MCTP1: variants seen among roughly 807,000 people sequenced by gnomAD.
MCTP1 encodes multiple C2 and transmembrane domain containing 1.
MCTP1 carries 69 observed loss-of-function variants against 120.6 expected under a neutral mutation model. The ratio of observed to expected loss-of-function variants is 0.57; its 90% CI spans 0.47 to 0.70. The LOEUF (loss-of-function observed/expected upper bound fraction) is 0.70. Ranked by LOEUF, MCTP1 falls within the 30% of genes least tolerant of loss-of-function variation. The probability of loss-of-function intolerance (pLI) is 0.00; values close to 1 mark genes in which losing one functional copy is unlikely to be tolerated. For missense variants in MCTP1, 1,203 were observed against 1,248.8 expected (o/e 0.96, Z 0.55); for synonymous variants, 529 against 493.1 (o/e 1.07, Z -0.96).
intron 17 of MCTP1, among the ~76,000 whole-genome samples, chr5:94,805,747 T>A (rs1427763034): frequency 6.6e-6 from 1 of 150,704 alleles, no homozygotes; most frequent in African/African-American, 2.4e-5. Flanking sequence ...ACTATTACCT[T>A]CCTTTTACAA....
intron 2 of MCTP1, among the ~76,000 whole-genome samples, chr5:94,990,207 G>C (rs72777361): frequency 2.0e-5 from 3 of 152,238 alleles, no homozygotes; most frequent in African/African-American, 7.2e-5. Context: ...GGTAATTAGC[G>C]TTGAAATTGA....
intron 1 of MCTP1, among the ~76,000 whole-genome samples, chr5:95,053,710 G>T (rs1233456065): frequency 1.3e-5 from 2 of 152,146 alleles, no homozygotes; most frequent in African/African-American, 4.8e-5. Context: ...CAAGCAGTAG[G>T]TGAGGGGCTC....
chr5:95,054,294 T>C (rs543678899), intron 1 of MCTP1, among the ~76,000 whole-genome samples: 48 of 152,216 alleles, frequency 3.2e-4, no homozygotes, highest in Non-Finnish European at 2.4e-4. Flanking sequence ...ATCGTATCTA[T>C]AAAACTAAAT....
chr5:95,109,372 A>AT (rs1190205708), intron 1 of MCTP1, among the ~76,000 whole-genome samples: 1 of 152,192 alleles, frequency 6.6e-6, no homozygotes, highest in Non-Finnish European at 1.5e-5. Context: ...ATTTACTTAG[A>AT]TTTTCAATAT....
chr5:94,847,491 A>G (rs918414813), intron 17 of MCTP1, among the ~76,000 whole-genome samples: 4 of 152,064 alleles, frequency 2.6e-5, no homozygotes, highest in Non-Finnish European at 5.9e-5. Flanking sequence ...TCTGAGACGT[A>G]TCTATCTCAG....
At chr5:94,728,170 TTAG>T (rs80222998) in intron 19 of MCTP1, among the ~76,000 whole-genome samples, 1,703 of 152,290 alleles carry the variant, frequency 0.011, 15 homozygotes, top group Non-Finnish European at 0.017. Context: ...CGTTGGTTAC[TTAG>T]TGGTGTGGAT....
At chr5:94,763,303 A>T (rs1277614703) in intron 19 of MCTP1, among the ~76,000 whole-genome samples, 2 of 152,312 alleles carry the variant, frequency 1.3e-5, no homozygotes, top group African/African-American at 4.8e-5. Context: ...TGAAGAATAT[A>T]ATTCAGACTC....
rs115430748 is a variant in MCTP1 at position 95,051,151 on chromosome 5, T to G, written c.721-33667A>C. On this transcript the variant is annotated intron_variant, in intron 1 of 22. Coordinates refer to ENST00000515393, the MANE Select transcript of MCTP1 (RefSeq NM_024717.7). Reference sequence around the variant, plus strand: ...TGCTGTTAGGGCAGCCCTAGAAAACTGATATATACAACAAGTCAGCATTGT... The same window carrying G: ...TGCTGTTAGGGCAGCCCTAGAAAACGGATATATACAACAAGTCAGCATTGT... Among the ~76,000 whole-genome samples, 1,113 of 152,272 alleles carry G rather than the reference T, an allele frequency of 7.3e-3. 20 individuals carry two copies. Among genetic ancestry groups the G allele is most frequent in the African/African-American group, 0.026 (1,078 of 41,550 alleles).
chr5:95,225,268 AG>A lies in MCTP1; in HGVS notation c.720+58587del, dbSNP rs1280316546. On this transcript the variant is annotated intron_variant, in intron 1 of 22. Coordinates refer to ENST00000515393, the MANE Select transcript of MCTP1 (RefSeq NM_024717.7). ...TACCATTTTAAAAGAATCTTCTAAA[AG>A]CATGGCAGTTAAAAAATCATTTATT... Among the ~76,000 whole-genome samples, 8 of 152,354 alleles carry A rather than the reference AG, an allele frequency of 5.3e-5. No homozygotes were observed. In the East Asian group the frequency reaches 1.2e-3, roughly 22 times the overall value.
At chr5:95,041,325 A>AAAAAAAG (rs1562063124) in intron 1 of MCTP1, among the ~76,000 whole-genome samples, 4 of 150,142 alleles carry the variant, frequency 2.7e-5, no homozygotes, top group African/African-American at 9.9e-5. Context: ...AAAAAAAAAA[A>AAAAAAAG]AAAAAAGAAA....
At chr5:95,184,096 T>C (rs766306308) in intron 1 of MCTP1, among the ~76,000 whole-genome samples, 70 of 152,092 alleles carry the variant, frequency 4.6e-4, no homozygotes, top group Non-Finnish European at 7.1e-4. Context: ...CCATGGCACA[T>C]GTATACCTAT....
intron 17 of MCTP1, among the ~76,000 whole-genome samples, chr5:94,817,237 T>C (rs1262751199): frequency 1.3e-5 from 2 of 152,108 alleles, no homozygotes; most frequent in Non-Finnish European, 2.9e-5. Context: ...ACCTCGTCTC[T>C]ACTAAAAATA....
chr5:95,151,140 T>TATAC (rs1438668584), intron 1 of MCTP1, among the ~76,000 whole-genome samples: 2 of 146,424 alleles, frequency 1.4e-5, no homozygotes, highest in Non-Finnish European at 3.0e-5. Context: ...CATATATATA[T>TATAC]ATATATATAT....
At chr5:95,150,060 C>T (rs766564373) in intron 1 of MCTP1, among the ~76,000 whole-genome samples, 2 of 152,122 alleles carry the variant, frequency 1.3e-5, no homozygotes, top group Non-Finnish European at 2.9e-5. Context: ...ATTTACTCAC[C>T]ACTTTGTTTC....
chr5:94,736,257 G>A (rs1329458835), intron 19 of MCTP1, among the ~76,000 whole-genome samples: 2 of 152,202 alleles, frequency 1.3e-5, no homozygotes, highest in African/African-American at 4.8e-5. Context: ...GGGAGGCTGA[G>A]GCAGGAGGAT....
At position 95,199,828 on chromosome 5, in the gene MCTP1, C is replaced by T. The variant is rs563696389; in HGVS notation, c.720+84028G>A. Among the ~76,000 whole-genome samples the T allele has an allele frequency of 5.3e-5, 8 of 151,306 alleles. No individual in the cohort carries two copies. The South Asian group carries it at 8.4e-4, about 16-fold the overall frequency. ...GAGCTGAGATGGTGCCACTGCACTC[C>T]AGTCTGGGCAACAGAGCAAGAGACT... On this transcript the variant is annotated intron_variant, in intron 1 of 22. Transcript: ENST00000515393.
intron 1 of MCTP1, among the ~76,000 whole-genome samples, chr5:95,265,771 T>C (rs1443629669): frequency 6.6e-6 from 1 of 152,166 alleles, no homozygotes; most frequent in Non-Finnish European, 1.5e-5. Context: ...TACCTCCCCA[T>C]CTAAGAGAAA....
intron 19 of MCTP1, among the ~76,000 whole-genome samples, chr5:94,720,564 T>C (rs762435797): frequency 1.3e-5 from 2 of 152,278 alleles, no homozygotes; most frequent in Non-Finnish European, 2.9e-5. Flanking sequence ...ATATATATAG[T>C]GTAATCCTAA....
At chr5:94,911,491 T>C (rs1402059190) in intron 9 of MCTP1, among the ~76,000 whole-genome samples, 1 of 152,178 alleles carries the variant, frequency 6.6e-6, no homozygotes, top group Non-Finnish European at 1.5e-5. Context: ...CATCTGGTTG[T>C]TTAAAAGTGT....
Sources: gnomAD v4.1 joint callset for allele counts (sites outside exome capture counted in the v4.1 genomes callset) on GRCh38, gnomAD v4.1.1 for gene constraint, MANE v1.5 for transcripts, NCBI Gene and HGNC (gene_info 2026-07-23, HGNC 2026-07-21) for gene names.